MTCH2: variants seen among roughly 807,000 people sequenced by gnomAD.
MTCH2 encodes the protein mitochondrial carrier 2.
MTCH2 carries 25 observed loss-of-function variants against 50.6 expected under a neutral mutation model. That is an observed-to-expected ratio of 0.49 (90% confidence interval 0.36 to 0.69). The LOEUF is 0.69. MTCH2 is among the 30% of genes least tolerant of loss of function. MTCH2 has a pLI of 0.00. For missense variants in MTCH2, 273 were observed against 384.4 expected (o/e 0.71, Z 2.42); for synonymous variants, 106 against 132.0 (o/e 0.80, Z 1.35).
the MTCH2 span, among the ~76,000 whole-genome samples, chr11:47,607,571 A>G: frequency 1.3e-5 from 2 of 152,108 alleles, no homozygotes; most frequent in Non-Finnish European, 2.9e-5. Context: ...AGACACACCA[A>G]ATGCTTTACA....
chr11:47,630,514 C>T (rs1031062856), intron 8 of MTCH2, 41 bp downstream of exon 8: 2 of 1,518,884 alleles, frequency 1.3e-6, no homozygotes, highest in South Asian at 2.3e-5. Context: ...AAAACGTTTC[C>T]CACTCATGCA....
intron 12 of MTCH2, among the ~76,000 whole-genome samples, chr11:47,621,607 T>C (rs2097293313): frequency 6.6e-6 from 1 of 152,108 alleles, no homozygotes; most frequent in African/African-American, 2.4e-5. Flanking sequence ...TAATTTCTTT[T>C]GTATTTTAGT....
chr11:47,605,312 T>A, the MTCH2 span, among the ~76,000 whole-genome samples: 1 of 152,098 alleles, frequency 6.6e-6, no homozygotes, highest in Non-Finnish European at 1.5e-5. Flanking sequence ...AAGCAGCTGC[T>A]CCATTCCTAC....
At chr11:47,616,808 C>T (rs571867233), downstream of MTCH2, among the ~76,000 whole-genome samples, 81 of 151,848 alleles carry the variant, frequency 5.3e-4, no homozygotes, top group Admixed American at 3.1e-3. Context: ...CTCAGCCTCC[C>T]GCATAGCTGG....
At chr11:47,631,825 C>G in intron 5 of MTCH2, 114 bp from the exon 6 acceptor site, 1 of 1,043,450 alleles carries the variant, frequency 9.6e-7, no homozygotes, top group East Asian at 2.4e-5. Context: ...TGACACAGCC[C>G]TCCTGCCCTG....
the MTCH2 span, among the ~76,000 whole-genome samples, chr11:47,607,976 A>G: frequency 6.6e-6 from 1 of 152,222 alleles, no homozygotes; most frequent in Non-Finnish European, 1.5e-5. Flanking sequence ...TGCTCCGATC[A>G]TCATGCAGAA....
chr11:47,636,122 C>T (rs1016639795), intron 3 of MTCH2, among the ~76,000 whole-genome samples: 33 of 150,318 alleles, frequency 2.2e-4, no homozygotes, highest in African/African-American at 8.1e-4. Flanking sequence ...AGCAAGAGTC[C>T]GTCTCAAGAA....
chr11:47,639,332 C>T (rs1290978220), intron 1 of MTCH2, among the ~76,000 whole-genome samples: 2 of 152,110 alleles, frequency 1.3e-5, no homozygotes, highest in Non-Finnish European at 2.9e-5. Flanking sequence ...GGAACTTTTG[C>T]GTTAGGAAAG....
Position 47,618,002 on chromosome 11 carries a change from A to T in MTCH2, c.*831T>A, listed in dbSNP as rs547667362. On this transcript the variant is annotated 3_prime_UTR_variant, in exon 13 of 13. Coordinates refer to ENST00000302503, the MANE Select transcript of MTCH2 (RefSeq NM_014342.4). ...TGGTGTAATTTAAGCACTGGCAAAT[A>T]CTTGGCTCTTAAAGAAGGGGGTTAC... The T allele has an allele frequency of 6.6e-6, 1 of 152,232 alleles. No homozygotes were observed. The highest frequency in any genetic ancestry group is 1.9e-4 in the East Asian group (1 of 5,200). 9.4% of individuals were successfully genotyped at this position (152,232 alleles called of 1,614,324 possible).
downstream of MTCH2, among the ~76,000 whole-genome samples, chr11:47,612,818 T>C (rs1460355051): frequency 1.3e-5 from 2 of 151,600 alleles, no homozygotes; most frequent in Non-Finnish European, 2.9e-5. Context: ...AAAATCAGAG[T>C]GCAAGATTCT....
chr11:47,633,129 T>TC (rs2097304757), intron 5 of MTCH2, among the ~76,000 whole-genome samples: 1 of 148,590 alleles, frequency 6.7e-6, no homozygotes, highest in Non-Finnish European at 1.5e-5. Context: ...TTTTTTTTTT[T>TC]GAGAGGGAGT....
Position 47,618,792 on chromosome 11 carries a change from A to C in MTCH2, c.*41T>G, listed in dbSNP as rs1394496225. The stretch of plus-strand genomic sequence containing the variant: ...AACATTCTCTCCCATAATTCTGTGC[A>C]TCTGGGACTACAGAAATGTCACTGT... On this transcript the variant is annotated 3_prime_UTR_variant, in exon 13 of 13. Transcript: ENST00000302503. The C allele has an allele frequency of 1.9e-6, 3 of 1,541,580 alleles. No homozygotes were observed. The highest frequency in any genetic ancestry group is 2.7e-6 in the Non-Finnish European group (3 of 1,113,954).
chr11:47,629,031 G>A lies in MTCH2; in HGVS notation c.555C>T (p.Arg185=). 6.2e-7 allele frequency: 1 copy of A among 1,613,682 alleles called. No individual in the cohort carries two copies. The highest frequency in any genetic ancestry group is 8.5e-7 in the Non-Finnish European group (1 of 1,179,832). ...ILGFFAGLVP[R]LLGDILSLWL... ...ACAAAGAAAGGATGTCACCTAGAAG[G>A]CGAGGAACAAGACCCCTACATGAAG... is the stretch of plus-strand genomic sequence containing the variant. Residue 185 remains arginine (R), a synonymous_variant, in exon 9 of 13, where the codon CGC becomes CGT. Transcript: ENST00000302503.
At chr11:47,638,592 G>A in intron 3 of MTCH2, 107 bp downstream of exon 3, 48 of 593,554 alleles carry the variant, frequency 8.1e-5, no homozygotes, top group South Asian at 4.1e-4. Flanking sequence ...GAGGAAGAAA[G>A]GACAGGGTTA....
In MTCH2 at chr11:47,617,684, T is replaced by C. The variant is rs1280730741; in HGVS notation, c.*1149A>G. The C allele has an allele frequency of 6.6e-6, 1 of 152,596 alleles. No homozygotes were observed. The highest frequency in any genetic ancestry group is 1.5e-5 in the Non-Finnish European group (1 of 68,034). 9.5% of individuals were successfully genotyped at this position (152,596 alleles called of 1,614,324 possible). A position where few individuals can be genotyped will look rare whatever the true frequency, so the allele number is the denominator to read the frequency against. The stretch of plus-strand genomic sequence containing the variant: ...TTTTAGAGCATTTTAACCTGCTTTT[T>C]AGAAGGCCTGAGTAAACAGAAGCTT... On this transcript the variant is annotated 3_prime_UTR_variant, in exon 13 of 13. Transcript: ENST00000302503.
chr11:47,605,019 C>G, the MTCH2 span, among the ~76,000 whole-genome samples: 4 of 152,112 alleles, frequency 2.6e-5, no homozygotes, highest in Non-Finnish European at 5.9e-5. Flanking sequence ...CAAGCTCCGC[C>G]TCCCAGGTTC....
chr11:47,634,825 T>G (rs2097307057), intron 4 of MTCH2, 91 bp from the exon 5 acceptor site: 1 of 837,264 alleles, frequency 1.2e-6, no homozygotes, highest in Non-Finnish European at 1.8e-6. Context: ...CAGGCTGGAG[T>G]GCAGTGGCAC....
At chr11:47,625,977 AG>A (rs894922707) in intron 10 of MTCH2, among the ~76,000 whole-genome samples, 1 of 151,728 alleles carries the variant, frequency 6.6e-6, no homozygotes, top group African/African-American at 2.4e-5. Flanking sequence ...GATCCTGAGT[AG>A]CTGGGACTAT....
At chr11:47,636,961 G>GTT (rs11393379) in intron 3 of MTCH2, among the ~76,000 whole-genome samples, 1,495 of 141,254 alleles carry the variant, frequency 0.011, 12 homozygotes, top group Middle Eastern at 0.029. Context: ...CAAGAACTCT[G>GTT]TTTTTTTTTT....
Sources: gnomAD v4.1 joint callset for allele counts (sites outside exome capture counted in the v4.1 genomes callset) on GRCh38, gnomAD v4.1.1 for gene constraint, MANE v1.5 for transcripts, NCBI Gene and HGNC (gene_info 2026-07-23, HGNC 2026-07-21) for gene names.